The following ZBTB7C variants were observed in gnomAD, a reference collection of about 807,000 sequenced individuals.
The protein encoded by ZBTB7C is zinc finger and BTB domain containing 7C.
ZBTB7C carries 8 observed loss-of-function variants against 25.7 expected under a neutral mutation model. That is an observed-to-expected ratio of 0.31 (90% CI 0.18 to 0.56). ZBTB7C has a LOEUF of 0.56. Ranked by LOEUF, ZBTB7C falls within the 20% of genes least tolerant of loss-of-function variation. ZBTB7C has a pLI of 0.91. For synonymous variants in ZBTB7C, 394 were observed against 369.0 expected (o/e 1.07, Z -0.78); for missense variants, 824 against 855.2 (o/e 0.96, Z 0.46).
intron 2 of ZBTB7C, among the ~76,000 whole-genome samples, chr18:48,318,358 C>T (rs1402920779): frequency 6.6e-6 from 1 of 152,178 alleles, no homozygotes; most frequent in African/African-American, 2.4e-5. Context: ...CAGATGAAGC[C>T]TCTGGGCTAG....
chr18:48,212,460 C>A (rs1234964834), intron 2 of ZBTB7C, among the ~76,000 whole-genome samples: 1 of 151,958 alleles, frequency 6.6e-6, no homozygotes, highest in African/African-American at 2.4e-5. Context: ...TAAGAGTGAA[C>A]CCTAATGTAA....
intron 1 of ZBTB7C, among the ~76,000 whole-genome samples, chr18:48,379,540 A>T (rs2047591032): frequency 6.6e-6 from 1 of 152,118 alleles, no homozygotes; most frequent in Admixed American, 6.5e-5. Context: ...CTCATAGTGG[A>T]TCTATTTTTA....
chr18:48,118,020 T>A (rs1410075285), intron 3 of ZBTB7C, among the ~76,000 whole-genome samples: 1 of 147,246 alleles, frequency 6.8e-6, no homozygotes, highest in Non-Finnish European at 1.5e-5. Context: ...TTTTTTTTTT[T>A]ACTGAGGCAG....
chr18:48,108,517 C>CT (rs1051134384), intron 3 of ZBTB7C, among the ~76,000 whole-genome samples: 7 of 152,114 alleles, frequency 4.6e-5, no homozygotes, highest in African/African-American at 1.7e-4. Context: ...ACTGCAGCCT[C>CT]TAAACTCCTG....
chr18:48,268,934 G>A (rs1400691271), intron 2 of ZBTB7C, among the ~76,000 whole-genome samples: 1 of 149,620 alleles, frequency 6.7e-6, no homozygotes, highest in East Asian at 2.0e-4. Context: ...CAGATTTGAT[G>A]TCTAGTAAGG....
chr18:48,401,569 T>C (rs918185175), intron 1 of ZBTB7C, among the ~76,000 whole-genome samples: 1 of 152,166 alleles, frequency 6.6e-6, no homozygotes, highest in African/African-American at 2.4e-5. Context: ...GAGCCTCAGT[T>C]TCCCCATCTG....
chr18:48,079,046 C>A (rs1350554337), intron 3 of ZBTB7C, among the ~76,000 whole-genome samples: 1 of 152,154 alleles, frequency 6.6e-6, no homozygotes, highest in African/African-American at 2.4e-5. Flanking sequence ...TACCCATTTT[C>A]ATTTATTTTG....
intron 2 of ZBTB7C, among the ~76,000 whole-genome samples, chr18:48,261,121 C>T (rs573834781): frequency 2.0e-5 from 3 of 152,244 alleles, no homozygotes; most frequent in Admixed American, 1.3e-4. Context: ...GGGGCAACAG[C>T]GGAATGTTTT....
At chr18:48,315,425 T>A (rs1292767235) in intron 2 of ZBTB7C, among the ~76,000 whole-genome samples, 1 of 152,146 alleles carries the variant, frequency 6.6e-6, no homozygotes, top group East Asian at 1.9e-4. Context: ...CCACAGGGAC[T>A]CATGATGTCC....
chr18:48,348,614 C>G (rs576229521), intron 1 of ZBTB7C, among the ~76,000 whole-genome samples: 1 of 152,196 alleles, frequency 6.6e-6, no homozygotes, highest in African/African-American at 2.4e-5. Context: ...GTCAGGACTT[C>G]GAGACCAGCC....
chr18:48,089,200 G>T (rs2038311597), intron 3 of ZBTB7C, among the ~76,000 whole-genome samples: 1 of 152,150 alleles, frequency 6.6e-6, no homozygotes, highest in African/African-American at 2.4e-5. Context: ...CGGGTGCAGT[G>T]GCTCACGCCT....
chr18:48,083,421 G>C (rs566749094), intron 3 of ZBTB7C, among the ~76,000 whole-genome samples: 262 of 151,700 alleles, frequency 1.7e-3, no homozygotes, highest in African/African-American at 6.1e-3. Flanking sequence ...TTAGCCCCTC[G>C]TCCCCTGCCT....
chr18:48,239,715 T>C (rs569879393), intron 2 of ZBTB7C, among the ~76,000 whole-genome samples: 1 of 152,166 alleles, frequency 6.6e-6, no homozygotes, highest in Non-Finnish European at 1.5e-5. Flanking sequence ...ATCTGAACAG[T>C]AGCCCTTGAG....
chr18:48,274,398 A>G (rs754693640), intron 2 of ZBTB7C, among the ~76,000 whole-genome samples: 18 of 152,186 alleles, frequency 1.2e-4, no homozygotes, highest in Admixed American at 4.6e-4. Flanking sequence ...TCAAAGGTTC[A>G]CAAAAGCACT....
intron 2 of ZBTB7C, among the ~76,000 whole-genome samples, chr18:48,233,042 T>C (rs2043293086): frequency 6.6e-6 from 1 of 152,138 alleles, no homozygotes; most frequent in East Asian, 1.9e-4. Context: ...GGGAGAGGCA[T>C]GTCATGGCTT....
intron 3 of ZBTB7C, among the ~76,000 whole-genome samples, chr18:48,119,906 T>G (rs751764463): frequency 6.6e-6 from 1 of 152,156 alleles, no homozygotes; most frequent in Non-Finnish European, 1.5e-5. Flanking sequence ...GAAGGCACTT[T>G]GAGTCTGGAG....
chr18:48,125,019 G>A (rs1461094156), intron 3 of ZBTB7C, among the ~76,000 whole-genome samples: 1 of 152,184 alleles, frequency 6.6e-6, no homozygotes, highest in Non-Finnish European at 1.5e-5. Context: ...AGAATGCAGG[G>A]GCCACTGGGA....
At chr18:48,166,503 C>T (rs1211965360) in intron 3 of ZBTB7C, among the ~76,000 whole-genome samples, 53 of 152,134 alleles carry the variant, frequency 3.5e-4, no homozygotes, top group Non-Finnish European at 8.8e-5. Flanking sequence ...CCCAGGAATG[C>T]CGTTGGGGTG....
At chr18:48,271,123 C>G (rs1473235238) in intron 2 of ZBTB7C, among the ~76,000 whole-genome samples, 1 of 152,152 alleles carries the variant, frequency 6.6e-6, no homozygotes, top group African/African-American at 2.4e-5. Context: ...TCCTCAAAGG[C>G]ACTAGACCAA....
Sources: allele counts gnomAD v4.1 joint callset (sites outside exome capture counted in the v4.1 genomes callset), GRCh38; gene constraint gnomAD v4.1.1; transcripts MANE v1.5; gene names NCBI Gene and HGNC (gene_info 2026-07-23, HGNC 2026-07-21).